Variants in RARB observed in about 807,000 individuals in gnomAD.
The protein encoded by RARB is HBV-activated protein.
RARB carries 17 observed loss-of-function variants against 51.9 expected under a neutral mutation model. That is an observed-to-expected ratio of 0.33 (90% CI 0.22 to 0.49). The LOEUF is 0.49. Among genes scored for constraint, RARB ranks in the 20% least tolerant of loss-of-function variants. RARB has a pLI of 0.99. For synonymous variants in RARB, 215 were observed against 195.4 expected (o/e 1.10, Z -0.84); for missense variants, 369 against 550.8 (o/e 0.67, Z 3.30).
At position 25,057,115 on chromosome 3, in the gene RARB, T is replaced by C. The variant is rs115274576; in HGVS notation, c.-379-3010T>C. Among the ~76,000 whole-genome samples the C allele has an allele frequency of 5.9e-3, 900 of 152,220 alleles. 11 individuals are homozygous for C. Among genetic ancestry groups the C allele is most frequent in the African/African-American group, 0.019 (796 of 41,552 alleles). ...TCTGAGCTTTCAGTCTTGAAGCTTA[T>C]GGGCTGAGCCTAAATAGTCCCACTG... On this transcript the variant is annotated intron_variant, in intron 2 of 11. Transcript: ENST00000383772.
intron 5 of RARB, among the ~76,000 whole-genome samples, chr3:25,419,074 G>A (rs1209251604): frequency 1.3e-5 from 2 of 151,958 alleles, no homozygotes; most frequent in Non-Finnish European, 2.9e-5. Flanking sequence ...TGAAGAGTGA[G>A]CAGTCCTGCA....
At chr3:25,325,468 C>T (rs1704687030) in intron 5 of RARB, among the ~76,000 whole-genome samples, 1 of 152,050 alleles carries the variant, frequency 6.6e-6, no homozygotes, top group African/African-American at 2.4e-5. Context: ...TAGCTCTCAG[C>T]CTTATTTTAC....
intron 5 of RARB, among the ~76,000 whole-genome samples, chr3:25,225,899 G>A (rs1017766417): frequency 1.1e-4 from 16 of 152,136 alleles, no homozygotes; most frequent in Non-Finnish European, 2.1e-4. Flanking sequence ...ACCCATTACA[G>A]ATTTTTGCGT....
chr3:24,949,603 G>C (rs528772263), intron 2 of RARB, among the ~76,000 whole-genome samples: 2 of 152,276 alleles, frequency 1.3e-5, no homozygotes, highest in Non-Finnish European at 2.9e-5. Flanking sequence ...TGTATTTCTT[G>C]AATCCTTTGA....
At chr3:25,171,027 T>C (rs530893533) in intron 4 of RARB, among the ~76,000 whole-genome samples, 9 of 152,272 alleles carry the variant, frequency 5.9e-5, no homozygotes, top group African/African-American at 1.2e-4. Context: ...TTTTTTCATT[T>C]AGTATGTTCT....
At chr3:24,940,950 C>G (rs1022881829) in intron 2 of RARB, among the ~76,000 whole-genome samples, 2 of 152,076 alleles carry the variant, frequency 1.3e-5, no homozygotes, top group African/African-American at 4.8e-5. Flanking sequence ...GTAAATCCAT[C>G]CCAGATAATT....
At chr3:25,044,047 T>C (rs1000200407) in intron 2 of RARB, among the ~76,000 whole-genome samples, 1 of 152,084 alleles carries the variant, frequency 6.6e-6, no homozygotes, top group Non-Finnish European at 1.5e-5. Flanking sequence ...AATTAGAGTT[T>C]CAGTCCACTG....
rs150856358 is a variant in RARB at position 25,420,067 on chromosome 3, T to G, written c.179-41126T>G. On this transcript the variant is annotated intron_variant, in intron 5 of 11. Transcript: ENST00000383772. ...AAACTATTTTTTTAACCAAAAATAC[T>G]TAACATTGTATTCACATTACCTGTG... Among the ~76,000 whole-genome samples the G allele has an allele frequency of 5.5e-3, 845 of 152,280 alleles. 7 individuals carry two copies. The highest frequency in any genetic ancestry group is 9.3e-3 in the Non-Finnish European group (635 of 68,014).
At chr3:25,075,618 C>T (rs1301920152) in intron 3 of RARB, among the ~76,000 whole-genome samples, 1 of 151,592 alleles carries the variant, frequency 6.6e-6, no homozygotes, top group African/African-American at 2.4e-5. Flanking sequence ...CTCTTATTAT[C>T]CATATACAGA....
intron 4 of RARB, among the ~76,000 whole-genome samples, chr3:25,151,317 C>G (rs1700283208): frequency 6.6e-6 from 1 of 152,172 alleles, no homozygotes; most frequent in African/African-American, 2.4e-5. Flanking sequence ...AAGCAAATGG[C>G]AAGAACACTT....
At chr3:25,326,078 G>C (rs1394538117) in intron 5 of RARB, among the ~76,000 whole-genome samples, 1 of 152,182 alleles carries the variant, frequency 6.6e-6, no homozygotes, top group Non-Finnish European at 1.5e-5. Context: ...AGAGTTACCA[G>C]TGTGTTCTTC....
intron 2 of RARB, among the ~76,000 whole-genome samples, chr3:25,464,629 C>A (rs1212388657): frequency 6.6e-6 from 1 of 151,782 alleles, no homozygotes; most frequent in Non-Finnish European, 1.5e-5. Context: ...TGGTAAAATA[C>A]AACAGCCAAA....
At chr3:25,026,907 C>G (rs1323726910) in intron 2 of RARB, among the ~76,000 whole-genome samples, 1 of 152,154 alleles carries the variant, frequency 6.6e-6, no homozygotes, top group East Asian at 1.9e-4. Context: ...GGGCATAGAT[C>G]GTAGTAAGAT....
intron 4 of RARB, among the ~76,000 whole-genome samples, chr3:25,153,018 G>A (rs746818170): frequency 2.0e-5 from 3 of 152,124 alleles, no homozygotes; most frequent in Non-Finnish European, 2.9e-5. Context: ...CTTCTTCAGG[G>A]GAAAAGGACA....
At chr3:25,063,703 T>A (rs528308672) in intron 3 of RARB, among the ~76,000 whole-genome samples, 1 of 151,580 alleles carries the variant, frequency 6.6e-6, no homozygotes, top group East Asian at 1.9e-4. Context: ...CCTTGTAGTT[T>A]GAGACTTTTT....
At chr3:25,430,579 A>AG (rs912418980) in intron 1 of RARB, among the ~76,000 whole-genome samples, 4 of 152,208 alleles carry the variant, frequency 2.6e-5, no homozygotes, top group African/African-American at 9.7e-5. Flanking sequence ...TTGTAAGAGT[A>AG]GGGGGAAAAG....
At chr3:25,455,289 C>G (rs896282187) in intron 1 of RARB, among the ~76,000 whole-genome samples, 13 of 152,068 alleles carry the variant, frequency 8.5e-5, no homozygotes, top group African/African-American at 3.1e-4. Context: ...CCTGGAGATT[C>G]ATTTGTATTG....
chr3:25,296,140 C>T (rs1376968733), intron 5 of RARB, among the ~76,000 whole-genome samples: 1 of 152,006 alleles, frequency 6.6e-6, no homozygotes, highest in Non-Finnish European at 1.5e-5. Flanking sequence ...AGAGGCAAAA[C>T]TTGAGATGAG....
At chr3:25,507,678 G>A (rs907902091) in intron 3 of RARB, among the ~76,000 whole-genome samples, 1 of 152,198 alleles carries the variant, frequency 6.6e-6, no homozygotes, top group African/African-American at 2.4e-5. Flanking sequence ...ATGTATTGGG[G>A]TTTGGACCTT....
Sources: allele counts gnomAD v4.1 joint callset (sites outside exome capture counted in the v4.1 genomes callset), GRCh38; gene constraint gnomAD v4.1.1; transcripts MANE v1.5; gene names NCBI Gene and HGNC (gene_info 2026-07-23, HGNC 2026-07-21).